The following PRKAR1B variants were observed in gnomAD, a reference collection of about 807,000 sequenced individuals.
PRKAR1B encodes cAMP-dependent protein kinase type I-beta regulatory subunit.
Under a neutral mutation model 46.5 loss-of-function variants are expected in PRKAR1B, and 22 were observed. The observed-to-expected ratio is 0.47, with a 90% CI of 0.34 to 0.68. The LOEUF (loss-of-function observed/expected upper bound fraction) is 0.68, where lower values mean the gene tolerates loss of function less well. Ranked by LOEUF, PRKAR1B falls within the 30% of genes least tolerant of loss-of-function variation. The probability of loss-of-function intolerance (pLI) is 0.01; values close to 1 mark genes in which losing one functional copy is unlikely to be tolerated. For synonymous variants in PRKAR1B, 259 were observed against 217.7 expected (o/e 1.19, Z -1.67); for missense variants, 445 against 535.6 (o/e 0.83, Z 1.67).
At chr7:668,760 C>T (rs1786067404) in intron 4 of PRKAR1B, among the ~76,000 whole-genome samples, 1 of 152,128 alleles carries the variant, frequency 6.6e-6, no homozygotes, top group Admixed American at 6.6e-5. Context: ...ACTCAGGGTC[C>T]AGGCTGGCCC....
intron 2 of PRKAR1B, among the ~76,000 whole-genome samples, chr7:709,164 C>T (rs1370260822): frequency 2.8e-5 from 4 of 142,706 alleles, no homozygotes; most frequent in Admixed American, 7.0e-5. Flanking sequence ...CATTCACTCA[C>T]GGAGGAAAGG....
At chr7:621,920 C>T (rs1208642279) in intron 4 of PRKAR1B, among the ~76,000 whole-genome samples, 3 of 152,226 alleles carry the variant, frequency 2.0e-5, no homozygotes, top group Non-Finnish European at 2.9e-5. Flanking sequence ...GGTTCCAAAC[C>T]CCATGCAGCC....
At chr7:614,026 C>A (rs1196545691) in intron 4 of PRKAR1B, among the ~76,000 whole-genome samples, 2 of 152,230 alleles carry the variant, frequency 1.3e-5, no homozygotes, top group Admixed American at 6.5e-5. Context: ...CTGTGAGGTT[C>A]AGGTCAGCAT....
chr7:703,182 A>G (rs1780150956), intron 2 of PRKAR1B, among the ~76,000 whole-genome samples: 1 of 152,240 alleles, frequency 6.6e-6, no homozygotes, highest in Non-Finnish European at 1.5e-5. Flanking sequence ...TAATGATAAG[A>G]GGGTTTATTC....
intron 2 of PRKAR1B, among the ~76,000 whole-genome samples, chr7:696,215 G>C (rs1370275128): frequency 6.6e-6 from 1 of 151,566 alleles, no homozygotes; most frequent in Non-Finnish European, 1.5e-5. Flanking sequence ...CTCCTGTCTT[G>C]ACCTCCCAAA....
intron 9 of PRKAR1B, among the ~76,000 whole-genome samples, chr7:552,514 C>T (rs974379377): frequency 6.6e-6 from 1 of 150,594 alleles, no homozygotes; most frequent in African/African-American, 2.5e-5. Flanking sequence ...GGTCCTTCTC[C>T]AGAGCCACTG....
At chr7:623,182 C>A (rs541748560) in intron 4 of PRKAR1B, among the ~76,000 whole-genome samples, 7 of 152,236 alleles carry the variant, frequency 4.6e-5, no homozygotes, top group South Asian at 4.2e-4. Flanking sequence ...TACAAGTTTC[C>A]AAAAAATTCT....
intron 4 of PRKAR1B, among the ~76,000 whole-genome samples, chr7:661,948 T>C (rs866505904): frequency 6.1e-4 from 26 of 42,420 alleles, no homozygotes; most frequent in East Asian, 7.2e-4. Context: ...ACTCTTCCCC[T>C]CCATGGCACA....
intron 2 of PRKAR1B, among the ~76,000 whole-genome samples, chr7:705,559 C>T (rs1369923516): frequency 6.6e-6 from 1 of 152,096 alleles, no homozygotes; most frequent in Non-Finnish European, 1.5e-5. Context: ...AAATAAAAAC[C>T]TACTTCCACA....
intron 4 of PRKAR1B, among the ~76,000 whole-genome samples, chr7:674,284 T>C (rs1786457473): frequency 6.6e-6 from 1 of 151,502 alleles, no homozygotes; most frequent in African/African-American, 2.4e-5. Context: ...TCTAGTCACA[T>C]CCAGCTACTC....
chr7:700,243 AG>A (rs1262693280), intron 2 of PRKAR1B, among the ~76,000 whole-genome samples: 4 of 152,212 alleles, frequency 2.6e-5, no homozygotes, highest in African/African-American at 9.6e-5. Flanking sequence ...GACCCACACA[AG>A]GGTGCGCCCA....
At chr7:708,264 G>A (rs1210332000) in intron 2 of PRKAR1B, among the ~76,000 whole-genome samples, 1 of 152,138 alleles carries the variant, frequency 6.6e-6, no homozygotes, top group East Asian at 1.9e-4. Flanking sequence ...CCCAGAAGGA[G>A]CCATCCCAAT....
At chr7:600,569 G>A (rs914491320) in intron 6 of PRKAR1B, among the ~76,000 whole-genome samples, 20 of 152,252 alleles carry the variant, frequency 1.3e-4, no homozygotes, top group Admixed American at 9.8e-4. Flanking sequence ...AGATCACCAA[G>A]CTGAGGCGCC....
chr7:630,234 G>A (rs1330973149), intron 4 of PRKAR1B, among the ~76,000 whole-genome samples: 4 of 152,202 alleles, frequency 2.6e-5, no homozygotes, highest in Admixed American at 6.5e-5. Flanking sequence ...CAGGCCAGGC[G>A]AAGGTGACCG....
At chr7:608,625 G>T (rs111851089) in intron 4 of PRKAR1B, 1,897 of 50,158 alleles carry the variant, frequency 0.038, 43 homozygotes, top group Admixed American at 0.068. Context: ...CTGTAGGGAG[G>T]GCTGGGGGGC....
At chr7:640,374 T>G (rs752539105) in intron 4 of PRKAR1B, among the ~76,000 whole-genome samples, 33 of 152,128 alleles carry the variant, frequency 2.2e-4, no homozygotes, top group Non-Finnish European at 4.6e-4. Flanking sequence ...AGACATACGA[T>G]TCGGACAGAC....
intron 4 of PRKAR1B, among the ~76,000 whole-genome samples, chr7:647,325 C>T (rs995138659): frequency 6.6e-6 from 1 of 152,160 alleles, no homozygotes; most frequent in African/African-American, 2.4e-5. Context: ...CCAGCCCACC[C>T]AAGCCAGCAT....
Position 606,251 on chromosome 7 carries a change from GAAGA to G in PRKAR1B, c.503-16_503-13del. Reference sequence around the variant, plus strand: ...GTCTCCTTCATTCCCTGTAACAAAAGAAGAAAGTCAACAGATACAAAGTACATCC... The same window carrying G: ...GTCTCCTTCATTCCCTGTAACAAAAGAAGTCAACAGATACAAAGTACATCC... On this transcript the variant is annotated splice_polypyrimidine_tract_variant and intron_variant, in intron 5 of 10. Coordinates refer to ENST00000537384, the MANE Select transcript of PRKAR1B (RefSeq NM_001164760.2). 1 of 1,612,580 alleles carries G rather than the reference GAAGA, an allele frequency of 6.2e-7. No homozygotes were observed. The highest frequency in any genetic ancestry group is 8.5e-7 in the Non-Finnish European group (1 of 1,179,022).
At chr7:638,048 G>A (rs1044803333) in intron 4 of PRKAR1B, among the ~76,000 whole-genome samples, 4 of 152,150 alleles carry the variant, frequency 2.6e-5, no homozygotes, top group Admixed American at 1.3e-4. Context: ...GAGAAGACGC[G>A]GGGCAGGACC....
Sources: gnomAD v4.1 joint callset for allele counts (sites outside exome capture counted in the v4.1 genomes callset) on GRCh38, gnomAD v4.1.1 for gene constraint, MANE v1.5 for transcripts, NCBI Gene and HGNC (gene_info 2026-07-23, HGNC 2026-07-21) for gene names.